Variants in PRR14L observed in about 807,000 individuals in gnomAD.
The protein encoded by PRR14L is proline rich 14 like.
Under a neutral mutation model 155.0 loss-of-function variants are expected in PRR14L, and 80 were observed. The ratio of observed to expected loss-of-function variants is 0.52; its 90% CI spans 0.43 to 0.62. PRR14L has a LOEUF of 0.62. Ranked by LOEUF, PRR14L falls within the 20% of genes least tolerant of loss-of-function variation. The pLI is 0.00. For missense variants in PRR14L, 2,469 were observed against 2,548.0 expected, an observed-to-expected ratio of 0.97 and a Z score of 0.67; for synonymous variants, 883 against 916.0, an observed-to-expected ratio of 0.96 and a Z score of 0.65.
intron 3 of PRR14L, among the ~76,000 whole-genome samples, chr22:31,721,778 G>A (rs150997043): frequency 6.6e-6 from 1 of 152,040 alleles, no homozygotes; most frequent in East Asian, 1.9e-4. Flanking sequence ...CAAATTATAC[G>A]ATGTATTATC....
intron 2 of PRR14L, among the ~76,000 whole-genome samples, chr22:31,729,194 A>G (rs2074734369): frequency 6.6e-6 from 1 of 152,120 alleles, no homozygotes; most frequent in Admixed American, 6.6e-5. Context: ...AAATCCCAAA[A>G]TTATTAGTTG....
At chr22:31,706,364 C>CA (rs1192585065) in intron 4 of PRR14L, among the ~76,000 whole-genome samples, 3,198 of 57,082 alleles carry the variant, frequency 0.056, 94 homozygotes, top group East Asian at 0.11. Flanking sequence ...CTCTATCTCA[C>CA]AAAAAAAAAA....
intron 5 of PRR14L, among the ~76,000 whole-genome samples, chr22:31,704,081 G>A (rs964031853): frequency 1.3e-5 from 2 of 152,166 alleles, no homozygotes; most frequent in Non-Finnish European, 2.9e-5. Flanking sequence ...ACAGGTGTGA[G>A]CCACCACGCC....
intron 4 of PRR14L, among the ~76,000 whole-genome samples, chr22:31,709,861 T>C (rs2074611987): frequency 2.0e-5 from 3 of 150,106 alleles, no homozygotes; most frequent in South Asian, 4.2e-4. Flanking sequence ...TCTCGATCTC[T>C]TGACCTCGTG....
chr22:31,732,165 T>C (rs1304678024), intron 2 of PRR14L, among the ~76,000 whole-genome samples: 1 of 152,224 alleles, frequency 6.6e-6, no homozygotes, highest in Non-Finnish European at 1.5e-5. Flanking sequence ...CTTCTATATA[T>C]GCTTATTTCC....
At chr22:31,735,950 G>A (rs535261473) in intron 2 of PRR14L, among the ~76,000 whole-genome samples, 1 of 151,888 alleles carries the variant, frequency 6.6e-6, no homozygotes, top group Non-Finnish European at 1.5e-5. Flanking sequence ...CTACTCAGGA[G>A]GCTGAGGCAG....
At chr22:31,741,031 A>G (rs2074810109) in intron 1 of PRR14L, among the ~76,000 whole-genome samples, 1 of 151,976 alleles carries the variant, frequency 6.6e-6, no homozygotes, top group Non-Finnish European at 1.5e-5. Flanking sequence ...AGAGGGGCGG[A>G]TCACGAGGTC....
intron 8 of PRR14L, among the ~76,000 whole-genome samples, chr22:31,687,530 T>C (rs1430007882): frequency 6.6e-6 from 1 of 150,506 alleles, no homozygotes; most frequent in African/African-American, 2.4e-5. Flanking sequence ...ATTTTTTGTA[T>C]TTTTAGTAGA....
intron 2 of PRR14L, among the ~76,000 whole-genome samples, chr22:31,737,881 G>A (rs2074790811): frequency 6.6e-6 from 1 of 151,884 alleles, no homozygotes; most frequent in Non-Finnish European, 1.5e-5. Context: ...TGGGTATGGT[G>A]GCTTATACCA....
chr22:31,712,972 C>T lies in PRR14L; in HGVS notation c.4867G>A (p.Ala1623Thr). The stretch of plus-strand genomic sequence containing the variant: ...TTCATGGCTGGGGCCAGTTTGGAGG[C>T]AAGGATGGACAGCTTGTTTAGTAAG... ...SALLNKLSIL[A>T]SKLAPAMKTQ... Residue 1623 changes from alanine to threonine, a missense_variant, in exon 4 of 9, where the codon GCC becomes ACC. Physicochemically the swap from Ala to Thr is moderately conservative, Grantham distance 58. This residue lies in a region of PRR14L where 2,363 missense variants were observed against 2,371.6 expected (regional missense o/e 1.00). Transcript: ENST00000327423. 1 of 1,551,720 alleles carries T rather than the reference C, an allele frequency of 6.4e-7. No homozygotes were observed.
chr22:31,746,795 CTTTT>C (rs770907499), intron 1 of PRR14L, among the ~76,000 whole-genome samples: 4 of 131,266 alleles, frequency 3.0e-5, no homozygotes, highest in Middle Eastern at 3.8e-3. Context: ...TCCCAGCAGT[CTTTT>C]TTTTTTTTTT....
intron 3 of PRR14L, among the ~76,000 whole-genome samples, chr22:31,721,639 G>C (rs1164698572): frequency 6.6e-6 from 1 of 151,682 alleles, no homozygotes; most frequent in Non-Finnish European, 1.5e-5. Flanking sequence ...ATATGATTGT[G>C]CCTATAGCTT....
At chr22:31,697,588 C>T (rs530999533) in intron 7 of PRR14L, among the ~76,000 whole-genome samples, 13 of 152,118 alleles carry the variant, frequency 8.5e-5, no homozygotes, top group South Asian at 6.2e-4. Flanking sequence ...TACATGGGAT[C>T]GGCACGATGG....
chr22:31,724,163 G>C (rs901081186), intron 3 of PRR14L, among the ~76,000 whole-genome samples: 4 of 152,172 alleles, frequency 2.6e-5, no homozygotes, highest in African/African-American at 7.2e-5. Flanking sequence ...GGACCACCTA[G>C]TTGCAGGAAA....
intron 2 of PRR14L, among the ~76,000 whole-genome samples, chr22:31,727,234 CTTTTT>C (rs397831840): frequency 7.3e-6 from 1 of 136,742 alleles, no homozygotes; most frequent in Non-Finnish European, 1.6e-5. Context: ...AGCCACAATT[CTTTTT>C]TTTTTTTTTT....
In PRR14L at chr22:31,715,629, G is replaced by A; in HGVS notation, c.2210C>T (p.Pro737Leu). ...SSNCPTLNIK[P>L]VSLERKKEMA... ...TTCCTTTTTTCTCTCTAGGCTTACT[G>A]GTTTGATGTTTAAGGTGGGACAGTT... Residue 737 changes from proline to leucine, a missense_variant, in exon 4 of 9, where the codon CCA becomes CTA. Transcript: ENST00000327423. The A allele has an allele frequency of 6.4e-7, 1 of 1,552,124 alleles. No individual in the cohort carries two copies. Among genetic ancestry groups the A allele is most frequent in the Non-Finnish European group, 8.7e-7 (1 of 1,147,042 alleles).
chr22:31,739,124 T>A (rs1212072621), intron 1 of PRR14L, among the ~76,000 whole-genome samples: 3 of 152,232 alleles, frequency 2.0e-5, no homozygotes, highest in African/African-American at 7.2e-5. Context: ...CAATCAAATC[T>A]CAATTCAAAT....
In PRR14L at chr22:31,715,473, T is replaced by C; in HGVS notation, c.2366A>G (p.His789Arg). 1.3e-6 allele frequency: 2 copies of C among 1,552,398 alleles called. No individual in the cohort carries two copies. Among genetic ancestry groups the C allele is most frequent in the Non-Finnish European group, 1.7e-6 (2 of 1,147,136 alleles). ...SVQSQDISSC[H>R]RVRKNVSQEN... ...CTGGGATACATTTTTTCTTACACGA[T>C]GACAGCTAGAGATATCCTGAGATTG... The change falls in exon 4 of 9, where the codon CAT becomes CGT. Residue 789 changes from histidine (H) to arginine (R), a missense_variant. By Grantham distance (29) the His-to-Arg change is conservative (BLOSUM62 0). Around this residue, in one of 2 missense-constraint regions of PRR14L, gnomAD observed 2,363 missense variants for 2,371.6 expected, o/e 1.00. Transcript: ENST00000327423.
At chr22:31,724,369 G>A (rs564738606) in intron 3 of PRR14L, among the ~76,000 whole-genome samples, 24 of 152,222 alleles carry the variant, frequency 1.6e-4, no homozygotes, top group African/African-American at 5.8e-4. Flanking sequence ...CAAAAATGTC[G>A]GGGACCACTG....
Sources: gnomAD v4.1 joint callset for allele counts (sites outside exome capture counted in the v4.1 genomes callset) on GRCh38, gnomAD v4.1.1 for gene constraint, gnomAD v4.1.1 regional missense constraint, MANE v1.5 for transcripts, NCBI Gene and HGNC (gene_info 2026-07-23, HGNC 2026-07-21) for gene names.